CMIP: variants seen among roughly 807,000 people sequenced by gnomAD.
CMIP encodes the protein C-Maf-inducing protein.
A neutral mutation model predicts 97.3 loss-of-function variants in CMIP; 13 were observed. That is an observed-to-expected ratio of 0.13 (90% CI 0.09 to 0.21). The LOEUF (loss-of-function observed/expected upper bound fraction) is 0.21. Ranked by LOEUF, CMIP falls within the 10% of genes least tolerant of loss-of-function variation. The pLI, the probability that CMIP is intolerant of heterozygous loss-of-function variation, is 1.00. For missense variants in CMIP, 847 were observed against 1,024.9 expected, an observed-to-expected ratio of 0.83 and a Z score of 2.37; for synonymous variants, 538 against 436.3, an observed-to-expected ratio of 1.23 and a Z score of -2.91.
At chr16:81,486,457 G>T (rs888575814) in intron 1 of CMIP, among the ~76,000 whole-genome samples, 12 of 152,154 alleles carry the variant, frequency 7.9e-5, no homozygotes, top group African/African-American at 2.7e-4. Context: ...GCCCTGAGAC[G>T]CAGTGGCAAC....
intron 3 of CMIP, among the ~76,000 whole-genome samples, chr16:81,640,617 C>T (rs1315467002): frequency 6.6e-6 from 1 of 152,160 alleles, no homozygotes; most frequent in Non-Finnish European, 1.5e-5. Context: ...GGCCACATTG[C>T]TTCTGAGACT....
At chr16:81,578,120 C>T (rs2091231920) in intron 1 of CMIP, among the ~76,000 whole-genome samples, 2 of 152,074 alleles carry the variant, frequency 1.3e-5, no homozygotes, top group South Asian at 4.2e-4. Context: ...ATTATTATCA[C>T]TATCACCATC....
chr16:81,500,350 T>G (rs1444444892), intron 1 of CMIP, among the ~76,000 whole-genome samples: 1 of 85,284 alleles, frequency 1.2e-5, no homozygotes, highest in Non-Finnish European at 2.3e-5. Flanking sequence ...TCCCTCCCTC[T>G]CTCCTTTCCT....
chr16:81,475,323 A>G (rs183062124), intron 1 of CMIP, among the ~76,000 whole-genome samples: 289 of 152,348 alleles, frequency 1.9e-3, no homozygotes, highest in Middle Eastern at 6.8e-3. Flanking sequence ...TTTCAGTGTA[A>G]CCACTCAGCG....
At chr16:81,480,340 G>C (rs1026574043) in intron 1 of CMIP, among the ~76,000 whole-genome samples, 1 of 152,164 alleles carries the variant, frequency 6.6e-6, no homozygotes, top group African/African-American at 2.4e-5. Flanking sequence ...AGGAGTTTGA[G>C]ACCAGCCTGG....
chr16:81,702,970 C>T (rs1352218229), intron 17 of CMIP, among the ~76,000 whole-genome samples: 1 of 152,018 alleles, frequency 6.6e-6, no homozygotes, highest in African/African-American at 2.4e-5. Context: ...GTGTCAGATG[C>T]TCTTCTATTA....
intron 3 of CMIP, chr16:81,645,540 C>T (rs1390186050): frequency 6.5e-7 from 1 of 1,536,008 alleles, no homozygotes; most frequent in East Asian, 2.4e-5. Context: ...GCCTGAGAAC[C>T]CTGGCATATG....
intron 10 of CMIP, among the ~76,000 whole-genome samples, chr16:81,685,666 T>G (rs1423638110): frequency 1.3e-5 from 2 of 150,274 alleles, no homozygotes; most frequent in Non-Finnish European, 3.0e-5. Flanking sequence ...CACCTCAGAC[T>G]CCCAAGTAGC....
At chr16:81,548,206 G>T (rs778012852) in intron 1 of CMIP, among the ~76,000 whole-genome samples, 2 of 146,668 alleles carry the variant, frequency 1.4e-5, no homozygotes, top group South Asian at 2.1e-4. Context: ...CAATCATGGC[G>T]CACTGCAGCC....
At chr16:81,483,563 G>GCCTCTTCCTCTT (rs772607167) in intron 1 of CMIP, among the ~76,000 whole-genome samples, 16 of 148,244 alleles carry the variant, frequency 1.1e-4, no homozygotes, top group African/African-American at 3.5e-4. Context: ...CCCTCCCGCA[G>GCCTCTTCCTCTT]CCTCTTCCTC....
chr16:81,568,694 C>T (rs1174594483), intron 1 of CMIP, among the ~76,000 whole-genome samples: 4 of 152,196 alleles, frequency 2.6e-5, no homozygotes, highest in East Asian at 1.9e-4. Flanking sequence ...AACCTTGGCT[C>T]GTTCTGTTCA....
intron 1 of CMIP, among the ~76,000 whole-genome samples, chr16:81,605,306 G>T (rs1477070022): frequency 1.3e-5 from 2 of 152,184 alleles, no homozygotes; most frequent in Non-Finnish European, 2.9e-5. Context: ...GGGCCAGGGG[G>T]TCCTCTGAGG....
chr16:81,460,224 G>A (rs1032422060), intron 1 of CMIP, among the ~76,000 whole-genome samples: 1 of 152,158 alleles, frequency 6.6e-6, no homozygotes. Context: ...CCTGCCTTCT[G>A]GGTGGGTCTG....
intron 1 of CMIP, among the ~76,000 whole-genome samples, chr16:81,573,674 C>A (rs1429658024): frequency 6.6e-6 from 1 of 152,182 alleles, no homozygotes; most frequent in Non-Finnish European, 1.5e-5. Context: ...GGACATCACC[C>A]ATAGCATCAG....
chr16:81,501,589 C>G (rs940162427), intron 1 of CMIP, among the ~76,000 whole-genome samples: 1 of 148,854 alleles, frequency 6.7e-6, no homozygotes, highest in African/African-American at 2.5e-5. Flanking sequence ...GGCATTGATG[C>G]TTAGGTTTGA....
intron 1 of CMIP, among the ~76,000 whole-genome samples, chr16:81,605,792 T>G (rs544102430): frequency 6.6e-6 from 1 of 152,380 alleles, no homozygotes; most frequent in East Asian, 1.9e-4. Context: ...ATATTTTGTT[T>G]GTTGTCTGTT....
intron 2 of CMIP, among the ~76,000 whole-genome samples, chr16:81,615,033 C>T (rs1421045140): frequency 3.5e-5 from 4 of 114,736 alleles, no homozygotes; most frequent in Admixed American, 9.0e-5. Flanking sequence ...ATATGGTGTA[C>T]GTGCATGTGT....
chr16:81,534,790 C>A (rs2090309928), intron 1 of CMIP, among the ~76,000 whole-genome samples: 1 of 152,192 alleles, frequency 6.6e-6, no homozygotes, highest in Admixed American at 6.5e-5. Context: ...TTATCATTCA[C>A]TCAATAGTGT....
At chr16:81,675,665 C>A (rs773219111) in intron 9 of CMIP, among the ~76,000 whole-genome samples, 1 of 152,166 alleles carries the variant, frequency 6.6e-6, no homozygotes, top group Admixed American at 6.5e-5. Context: ...CTGCTGCACA[C>A]TGAATATGGA....
Sources: gnomAD v4.1 joint callset for allele counts (sites outside exome capture counted in the v4.1 genomes callset) on GRCh38, gnomAD v4.1.1 for gene constraint, MANE v1.5 for transcripts, NCBI Gene and HGNC (gene_info 2026-07-23, HGNC 2026-07-21) for gene names.